Variants in INPP5A observed in about 807,000 individuals in gnomAD.
INPP5A encodes the protein inositol polyphosphate-5-phosphatase A, also known as 43 kDa inositol polyphosphate 5-phophatase.
INPP5A carries 14 observed loss-of-function variants against 65.2 expected under a neutral mutation model. That is an observed-to-expected ratio of 0.21 (90% CI 0.14 to 0.34). The LOEUF is 0.34. Among genes scored for constraint, INPP5A ranks in the 10% least tolerant of loss-of-function variants. The pLI is 1.00. For synonymous variants in INPP5A, 207 were observed against 208.3 expected (o/e 0.99, Z 0.05); for missense variants, 431 against 545.6 (o/e 0.79, Z 2.09).
chr10:132,779,737 GC>G (rs1847126638), intron 13 of INPP5A, among the ~76,000 whole-genome samples: 1 of 152,200 alleles, frequency 6.6e-6, no homozygotes, highest in African/African-American at 2.4e-5. Flanking sequence ...GCAGACGGGC[GC>G]CGGGCGCGCT....
chr10:132,765,263 C>T (rs976001545), intron 11 of INPP5A, among the ~76,000 whole-genome samples: 2 of 152,198 alleles, frequency 1.3e-5, no homozygotes, highest in African/African-American at 4.8e-5. Context: ...CCATTTGCTG[C>T]CTCCCGTGCA....
intron 1 of INPP5A, among the ~76,000 whole-genome samples, chr10:132,600,837 T>C (rs1455320790): frequency 6.6e-6 from 1 of 152,222 alleles, no homozygotes; most frequent in African/African-American, 2.4e-5. Flanking sequence ...CCATCAGATC[T>C]CATGAGACTT....
chr10:132,579,778 T>C (rs1335786304), intron 1 of INPP5A, among the ~76,000 whole-genome samples: 2 of 151,886 alleles, frequency 1.3e-5, no homozygotes, highest in African/African-American at 2.4e-5. Context: ...CCCGGAAGAT[T>C]GAGCAGGTTT....
At chr10:132,539,186 C>T (rs1426011989) in intron 1 of INPP5A, among the ~76,000 whole-genome samples, 4 of 152,190 alleles carry the variant, frequency 2.6e-5, no homozygotes, top group Non-Finnish European at 5.9e-5. Context: ...GTCCTCTGAG[C>T]CTAGGCCCTC....
At chr10:132,776,674 C>T (rs915646690) in intron 12 of INPP5A, among the ~76,000 whole-genome samples, 3 of 152,332 alleles carry the variant, frequency 2.0e-5, no homozygotes, top group African/African-American at 7.2e-5. Flanking sequence ...TTCGTTCACT[C>T]CAAGTGGAAT....
intron 11 of INPP5A, among the ~76,000 whole-genome samples, chr10:132,758,742 C>G (rs552161496): frequency 6.8e-4 from 103 of 152,342 alleles, no homozygotes; most frequent in African/African-American, 2.3e-3. Context: ...ACCCCCAGAG[C>G]TGCTGAAAAG....
intron 2 of INPP5A, among the ~76,000 whole-genome samples, chr10:132,622,187 T>C (rs1304039565): frequency 6.6e-6 from 1 of 152,114 alleles, no homozygotes; most frequent in Non-Finnish European, 1.5e-5. Flanking sequence ...TGTCAATATC[T>C]CTGTACTGAA....
chr10:132,618,202 G>A (rs971811183), intron 2 of INPP5A, among the ~76,000 whole-genome samples: 2 of 152,088 alleles, frequency 1.3e-5, no homozygotes, highest in Admixed American at 1.3e-4. Flanking sequence ...TATTTATCAG[G>A]GAGAGACCCA....
Position 132,550,909 on chromosome 10 carries a change from G to A in INPP5A, c.75+12738G>A, listed in dbSNP as rs913646313. 2.0e-5 allele frequency among the ~76,000 whole-genome samples: 3 copies of A among 152,230 alleles called. No homozygotes were observed. The highest frequency in any genetic ancestry group is 4.1e-4 in the South Asian group (2 of 4,834). On this transcript the variant is annotated intron_variant, in intron 1 of 15. Transcript: ENST00000368594. This position sits in a 1 kb window ranked among gnomAD's most constrained non-coding sequence, Gnocchi z 4.2. ...GTTTGGCCTTCAGGGTGGTCATTGG[G>A]TGCGTGGCTCTCTAGGGTGGACCTG...
chr10:132,721,130 T>C (rs1479650971), intron 8 of INPP5A, among the ~76,000 whole-genome samples: 1 of 151,848 alleles, frequency 6.6e-6, no homozygotes, highest in Admixed American at 6.5e-5. Flanking sequence ...TTCAGGGTTC[T>C]GTGGTACCTG....
intron 9 of INPP5A, among the ~76,000 whole-genome samples, chr10:132,745,716 G>A (rs1027365068): frequency 4.0e-5 from 6 of 150,242 alleles, no homozygotes; most frequent in East Asian, 4.0e-4. Flanking sequence ...GGGCCCAGGC[G>A]TGGTGGGCTT....
rs1847187771 is a variant in INPP5A at position 132,782,640 on chromosome 10, A to G, written c.*611A>G. 6.6e-6 allele frequency: 1 copy of G among 151,576 alleles called. No homozygotes were observed. The allele number at this position is 151,576 out of a possible 1,614,324, so 9.4% of individuals were successfully genotyped here. A position where few individuals can be genotyped will look rare whatever the true frequency, so the allele number is the denominator to read the frequency against. On this transcript the variant is annotated 3_prime_UTR_variant, in exon 16 of 16. Coordinates refer to ENST00000368594, the MANE Select transcript of INPP5A (RefSeq NM_005539.5). The surrounding 1 kb of genome is among the most constrained non-coding windows in gnomAD (Gnocchi z 4.4). ...AATATATACTTTTTAAAAATAATTT[A>G]TAAATCTTACCAAAACTTATGCTAA...
At chr10:132,615,474 C>G (rs779320349) in intron 2 of INPP5A, among the ~76,000 whole-genome samples, 4 of 152,238 alleles carry the variant, frequency 2.6e-5, no homozygotes, top group Non-Finnish European at 4.4e-5. Context: ...CCCGTGGCCG[C>G]TGCTCAGTGG....
Position 132,777,560 on chromosome 10 carries a change from G to A in INPP5A, c.978-111G>A, listed in dbSNP as rs866862879. On this transcript the variant is annotated intron_variant, in intron 12 of 15. Transcript: ENST00000368594. ...TTCCATGTGTGTATTCATTCCCCAG[G>A]TAGTGCTGGCCATTCTAAGGTGTAT... 8.1e-6 allele frequency: 7 copies of A among 866,878 alleles called. No individual in the cohort carries two copies. In the Middle Eastern group the frequency reaches 1.6e-3, roughly 198 times the overall value. The allele number at this position is 866,878 out of a possible 1,614,324, so 53.7% of individuals were successfully genotyped here. A position where few individuals can be genotyped will look rare whatever the true frequency, so the allele number is the denominator to read the frequency against.
At chr10:132,682,996 CGTGT>C (rs1165626539) in intron 4 of INPP5A, among the ~76,000 whole-genome samples, 6 of 151,058 alleles carry the variant, frequency 4.0e-5, no homozygotes, top group African/African-American at 1.5e-4. Flanking sequence ...CACGTGTACA[CGTGT>C]GTGTTATCCT....
chr10:132,595,644 A>G (rs754820208), intron 1 of INPP5A, among the ~76,000 whole-genome samples: 2 of 152,060 alleles, frequency 1.3e-5, no homozygotes, highest in South Asian at 2.1e-4. Context: ...CACCCTGTCT[A>G]TCTCCACGTC....
intron 1 of INPP5A, among the ~76,000 whole-genome samples, chr10:132,539,289 T>A (rs555239002): frequency 6.6e-6 from 1 of 152,058 alleles, no homozygotes; most frequent in South Asian, 2.1e-4. Flanking sequence ...GTGCCCCCAT[T>A]TAACCCTGCC....
chr10:132,689,921 C>A (rs908959517), intron 4 of INPP5A, among the ~76,000 whole-genome samples: 6 of 152,232 alleles, frequency 3.9e-5, no homozygotes, highest in African/African-American at 1.4e-4. Context: ...TGGTTGGAGG[C>A]CCCAGGACGA....
rs530961612 is a variant in INPP5A, at chr10:132,605,259, G to A, written c.76-2656G>A. Among the ~76,000 whole-genome samples the A allele has an allele frequency of 3.4e-3, 420 of 125,130 alleles. 9 individuals carry two copies. Among genetic ancestry groups the A allele is most frequent in the Non-Finnish European group, 5.7e-3 (325 of 57,154 alleles). The allele number at this position is 125,130 out of a possible 152,430, so 82.1% of individuals were successfully genotyped here. On this transcript the variant is annotated intron_variant, in intron 1 of 15. Coordinates refer to ENST00000368594, the MANE Select transcript of INPP5A (RefSeq NM_005539.5). ...AGAAGTGGATCCCCCAGGAGGGAGTGGGGGAGGGGCTGGGGATGGGGAGTG... is the reference window on the plus strand; with the variant it reads ...AGAAGTGGATCCCCCAGGAGGGAGTAGGGGAGGGGCTGGGGATGGGGAGTG...
Sources: gnomAD v4.1 joint callset for allele counts (sites outside exome capture counted in the v4.1 genomes callset) on GRCh38, gnomAD v4.1.1 for gene constraint, Gnocchi (gnomAD v3.1) non-coding constraint, MANE v1.5 for transcripts, NCBI Gene and HGNC (gene_info 2026-07-23, HGNC 2026-07-21) for gene names.